Variants in ABCA13 observed in about 807,000 individuals in gnomAD.
ABCA13 encodes the protein ATP-binding cassette sub-family A member 13.
ABCA13 carries 476 observed loss-of-function variants against 478.7 expected under a neutral mutation model. The observed-to-expected ratio is 0.99, with a 90% CI of 0.92 to 1.07. The LOEUF is 1.07. Ranked by LOEUF, ABCA13 falls within the 50% of genes least tolerant of loss-of-function variation. ABCA13 has a pLI of 0.00. For missense variants in ABCA13, 6,060 were observed against 5,910.6 expected (o/e 1.03, Z -0.83); for synonymous variants, 2,252 against 2,158.9 (o/e 1.04, Z -1.20).
intron 47 of ABCA13, among the ~76,000 whole-genome samples, chr7:48,487,498 T>A (rs537949761): frequency 1.4e-3 from 207 of 152,028 alleles, no homozygotes; most frequent in African/African-American, 4.8e-3. Flanking sequence ...TTTTTTTTAA[T>A]CACTCTACTT....
intron 42 of ABCA13, among the ~76,000 whole-genome samples, chr7:48,428,632 G>A (rs1309444300): frequency 6.6e-6 from 1 of 152,154 alleles, no homozygotes; most frequent in African/African-American, 2.4e-5. Context: ...TGTAGGAATT[G>A]CTATTGCTGT....
chr7:48,595,581 G>A (rs914814490), intron 58 of ABCA13, among the ~76,000 whole-genome samples: 1 of 152,148 alleles, frequency 6.6e-6, no homozygotes. Flanking sequence ...CTTCTGGGTC[G>A]GAGATGAAAG....
At chr7:48,240,425 ACAGTGCTAATTGACTT>A (rs1790655571) in intron 9 of ABCA13, among the ~76,000 whole-genome samples, 1 of 152,234 alleles carries the variant, frequency 6.6e-6, no homozygotes, top group African/African-American at 2.4e-5. Context: ...ATGACAAACC[ACAGTGCTAATTGACTT>A]CAGTATCATC....
intron 19 of ABCA13, among the ~76,000 whole-genome samples, chr7:48,282,031 C>T (rs1361275079): frequency 6.6e-6 from 1 of 152,208 alleles, no homozygotes; most frequent in African/African-American, 2.4e-5. Context: ...TTTCCTGCTG[C>T]AGTCTGTAAG....
At position 48,362,027 on chromosome 7, in the gene ABCA13, A is replaced by G. The variant is rs373651368; in HGVS notation, c.10689-5767A>G. Among the ~76,000 whole-genome samples the G allele has an allele frequency of 8.1e-4, 123 of 152,072 alleles. 3 individuals are homozygous for G. In the South Asian group the frequency reaches 0.025, roughly 31 times the overall value. ...GAATTGCAGTCAAAATATGATTCTT[A>G]TTATTTCTGTTTTGGTATCAAGTAA... is the stretch of plus-strand genomic sequence containing the variant. On this transcript the variant is annotated intron_variant, in intron 31 of 61. Coordinates refer to ENST00000435803, the MANE Select transcript of ABCA13 (RefSeq NM_152701.5).
At chr7:48,349,711 T>C (rs1444939875) in intron 29 of ABCA13, among the ~76,000 whole-genome samples, 1 of 152,172 alleles carries the variant, frequency 6.6e-6, no homozygotes, top group Non-Finnish European at 1.5e-5. Context: ...GTACTGATGC[T>C]GCCATGTCCG....
intron 43 of ABCA13, among the ~76,000 whole-genome samples, chr7:48,466,249 G>T (rs1427272229): frequency 6.6e-6 from 1 of 152,146 alleles, no homozygotes; most frequent in African/African-American, 2.4e-5. Flanking sequence ...TACAGGGTTT[G>T]TTTCTACAAC....
intron 40 of ABCA13, among the ~76,000 whole-genome samples, chr7:48,412,047 G>T (rs550092130): frequency 6.6e-6 from 1 of 152,126 alleles, no homozygotes; most frequent in Non-Finnish European, 1.5e-5. Context: ...CCCAGTGGAC[G>T]GGGGGCACTT....
rs781743803 is a variant in ABCA13, at chr7:48,274,702, T to G, written c.5036T>G (p.Val1679Gly). 1 of 1,613,876 alleles carries G rather than the reference T, an allele frequency of 6.2e-7. No homozygotes were observed. Among genetic ancestry groups the G allele is most frequent in the Non-Finnish European group, 8.5e-7 (1 of 1,179,854 alleles). The change falls in exon 17 of 62, where the codon GTG becomes GGG. Residue 1679 changes from valine (V) to glycine (G), a missense_variant. By Grantham distance (109) the Val-to-Gly change is moderately radical. Transcript: ENST00000435803. ...TLKKADIDLLVDQLEQVSVNL... is the reference protein window; with the variant it reads ...TLKKADIDLLGDQLEQVSVNL... ...AAGAAGGCAGACATAGACCTTTTAG[T>G]GGATCAGCTTGAACAAGTTAGTGTA...
chr7:48,576,575 A>G (rs1788209643), intron 55 of ABCA13, among the ~76,000 whole-genome samples: 1 of 152,228 alleles, frequency 6.6e-6, no homozygotes. Context: ...CTCAGGCTCT[A>G]GAAGACTGAG....
chr7:48,462,447 C>CA (rs1257063208), intron 43 of ABCA13, among the ~76,000 whole-genome samples: 2 of 151,718 alleles, frequency 1.3e-5, no homozygotes, highest in South Asian at 2.1e-4. Flanking sequence ...AAGGATTCCC[C>CA]CCCCCCTACT....
In ABCA13 at chr7:48,278,689, T is replaced by A. The variant is rs1478303155; in HGVS notation, c.7495T>A (p.Ser2499Thr). 1.9e-6 allele frequency: 3 copies of A among 1,613,770 alleles called. No homozygotes were observed. In the East Asian group the frequency reaches 6.7e-5, roughly 36 times the overall value. Residue 2499 changes from serine (S) to threonine (T), a missense_variant, in exon 18 of 62, where the codon TCT becomes ACT. This residue lies in a region of ABCA13 where 4,423 missense variants were observed against 4,309.1 expected (regional missense o/e 1.03). Transcript: ENST00000435803. The part of the protein sequence containing the change: ...SHVLKPLLEM[S>T]GTLVMLLNDS... ...CGTCCTGAAACCCCTCTTAGAAATG[T>A]CTGGGACTCTGGTCATGCTGTTGAA...
At chr7:48,258,917 T>C (rs1048804820) in intron 15 of ABCA13, among the ~76,000 whole-genome samples, 7 of 152,272 alleles carry the variant, frequency 4.6e-5, no homozygotes, top group Admixed American at 3.3e-4. Flanking sequence ...TTGTGTAGTT[T>C]TGAGCAATTT....
intron 1 of ABCA13, among the ~76,000 whole-genome samples, chr7:48,188,644 C>G (rs1283958333): frequency 6.6e-6 from 1 of 151,188 alleles, no homozygotes; most frequent in Non-Finnish European, 1.5e-5. Context: ...ATTTTCTTTT[C>G]TCTCCCCCCA....
At position 48,372,337 on chromosome 7, in the gene ABCA13, G is replaced by A. The variant is rs1278006656; in HGVS notation, c.10973G>A (p.Gly3658Glu). The change falls in exon 33 of 62, where the codon GGG becomes GAG. Residue 3658 changes from glycine (G) to glutamate (E), a missense_variant. Gly to Glu is a moderately conservative substitution (Grantham distance 98). Transcript: ENST00000435803. The stretch of plus-strand genomic sequence containing the variant: ...GTTTTCCTCTTTCTCTTGGATTTTG[G>A]GATGTCAGTCGTCATGCTGAGCTAC... The part of the protein sequence containing the change: ...FIVFLFLLDF[G>E]MSVVMLSYLL... 1.9e-6 allele frequency: 3 copies of A among 1,613,628 alleles called. No homozygotes were observed. The highest frequency in any genetic ancestry group is 2.5e-6 in the Non-Finnish European group (3 of 1,179,820).
At chr7:48,562,111 GGA>G (rs1315427692) in intron 55 of ABCA13, among the ~76,000 whole-genome samples, 1,785 of 113,090 alleles carry the variant, frequency 0.016, 47 homozygotes, top group African/African-American at 0.065. Context: ...GTATGGGGGG[GGA>G]GGTGGATACA....
At position 48,278,934 on chromosome 7, in the gene ABCA13, T is replaced by A; in HGVS notation, c.7740T>A (p.Asp2580Glu). 1 of 1,613,362 alleles carries A rather than the reference T, an allele frequency of 6.2e-7. No homozygotes were observed. Among genetic ancestry groups the A allele is most frequent in the Non-Finnish European group, 8.5e-7 (1 of 1,179,832 alleles). The change falls in exon 18 of 62, where the codon GAT becomes GAA. Residue 2580 changes from aspartate (D) to glutamate (E), a missense_variant. Asp to Glu is a conservative substitution (Grantham distance 45). Transcript: ENST00000435803. ...AAATAGCTACTTTAAAAAAAATAGA[T>A]CATTTCACATTTGAAAAGATAAATG... ...VKEIATLKKI[D>E]HFTFEKINDL...
chr7:48,444,111 T>C (rs1399255300), intron 42 of ABCA13, among the ~76,000 whole-genome samples: 1 of 152,178 alleles, frequency 6.6e-6, no homozygotes, highest in Admixed American at 6.5e-5. Context: ...AAGGAAGAAT[T>C]CATTGCTCTC....
intron 1 of ABCA13, among the ~76,000 whole-genome samples, chr7:48,175,694 TAC>T (rs2128854426): frequency 6.6e-6 from 1 of 152,326 alleles, no homozygotes; most frequent in Admixed American, 6.5e-5. Flanking sequence ...GTGGTGGGAT[TAC>T]AGGCGTGAGC....
Sources: gnomAD v4.1 joint callset for allele counts (sites outside exome capture counted in the v4.1 genomes callset) on GRCh38, gnomAD v4.1.1 for gene constraint, gnomAD v4.1.1 regional missense constraint, MANE v1.5 for transcripts, NCBI Gene and HGNC (gene_info 2026-07-23, HGNC 2026-07-21) for gene names.